The following PCDHGA11 variants were observed in gnomAD, a reference collection of about 807,000 sequenced individuals.
PCDHGA11 encodes the protein protocadherin gamma subfamily A, 11.
PCDHGA11 carries 39 observed loss-of-function variants against 60.4 expected under a neutral mutation model. The ratio of observed to expected loss-of-function variants is 0.65; its 90% CI spans 0.50 to 0.84. The LOEUF (loss-of-function observed/expected upper bound fraction) is 0.84, where lower values mean the gene tolerates loss of function less well. PCDHGA11 is among the 40% of genes least tolerant of loss of function. The pLI is 0.00. For synonymous variants in PCDHGA11, 533 were observed against 510.3 expected, an observed-to-expected ratio of 1.04 and a Z score of -0.60; for missense variants, 1,165 against 1,197.7, an observed-to-expected ratio of 0.97 and a Z score of 0.40.
chr5:141,489,178 C>T lies in PCDHGA11; in HGVS notation c.2434-5629C>T, dbSNP rs909255357. ...GAGACTTCAGCTGCTGCATTCCAAG[C>T]CCTGGGTCTACCTTGGAGACAGGAC... On this transcript the variant is annotated intron_variant, in intron 1 of 3. Transcript: ENST00000398587. This position sits in a 1 kb window ranked among gnomAD's most constrained non-coding sequence, Gnocchi z 4.5. 54 of 1,234,872 alleles carry T rather than the reference C, an allele frequency of 4.4e-5. 1 individual carries two copies. In the East Asian group the frequency reaches 1.2e-3, roughly 29 times the overall value. 76.5% of individuals were successfully genotyped at this position (1,234,872 alleles called of 1,614,324 possible). A position where few individuals can be genotyped will look rare whatever the true frequency, so the allele number is the denominator to read the frequency against.
At chr5:141,470,025 A>T (rs2099219670) in intron 1 of PCDHGA11, among the ~76,000 whole-genome samples, 1 of 152,156 alleles carries the variant, frequency 6.6e-6, no homozygotes, top group African/African-American at 2.4e-5. Context: ...GCTACTCGGG[A>T]TGCTGAGGCG....
chr5:141,465,520 G>C (rs2099104807), intron 1 of PCDHGA11, among the ~76,000 whole-genome samples: 1 of 152,144 alleles, frequency 6.6e-6, no homozygotes, highest in Non-Finnish European at 1.5e-5. Flanking sequence ...GAAGGATTCT[G>C]GGGAAGTTTT....
chr5:141,475,928 G>A, intron 1 of PCDHGA11: 1 of 630,590 alleles, frequency 1.6e-6, no homozygotes, highest in Non-Finnish European at 2.7e-6. Context: ...TGGAGATCGG[G>A]CCCCTGCCCG....
chr5:141,433,220 T>A (rs781745522), intron 1 of PCDHGA11: 2 of 1,509,720 alleles, frequency 1.3e-6, no homozygotes, highest in Non-Finnish European at 1.8e-6. Flanking sequence ...TTTTTTTTTT[T>A]AATTGCTCTG....
At chr5:141,479,535 G>A (rs539785154) in intron 1 of PCDHGA11, 2 of 152,378 alleles carry the variant, frequency 1.3e-5, no homozygotes, top group Non-Finnish European at 2.9e-5. Context: ...AAGTGGAGAA[G>A]GTCAAAACTG....
rs575695102 is a variant in PCDHGA11 at position 141,421,063 on chromosome 5, G to C, written c.-165G>C. 16 of 581,866 alleles carry C rather than the reference G, an allele frequency of 2.7e-5. No individual in the cohort carries two copies. The African/African-American group carries it at 2.9e-4, about 10-fold the overall frequency. 36.0% of individuals were successfully genotyped at this position (581,866 alleles called of 1,614,324 possible). A position where few individuals can be genotyped will look rare whatever the true frequency, so the allele number is the denominator to read the frequency against. ...CTCCCCCGCCTCTACCACACAAAGC[G>C]GAATGAGATGGATACTCACAGATCC... On this transcript the variant is annotated 5_prime_UTR_variant, in exon 1 of 4. Coordinates refer to ENST00000398587, the MANE Select transcript of PCDHGA11 (RefSeq NM_018914.3).
At chr5:141,497,771 C>T (rs2099779314) in intron 2 of PCDHGA11, among the ~76,000 whole-genome samples, 1 of 152,154 alleles carries the variant, frequency 6.6e-6, no homozygotes, top group Non-Finnish European at 1.5e-5. Context: ...ACTCCCCGAC[C>T]TCAACTGATC....
chr5:141,436,591 G>A (rs903125499), intron 1 of PCDHGA11, among the ~76,000 whole-genome samples: 8 of 152,154 alleles, frequency 5.3e-5, no homozygotes, highest in Non-Finnish European at 1.0e-4. Context: ...TTGAAAGGTC[G>A]TGGTGATGGC....
chr5:141,483,133 T>C (rs1263073911), intron 1 of PCDHGA11, among the ~76,000 whole-genome samples: 25 of 152,142 alleles, frequency 1.6e-4, no homozygotes, highest in South Asian at 1.2e-3. Flanking sequence ...GGAGATGAGG[T>C]GAAGCAAGTA....
At chr5:141,506,993 C>T (rs781663602) in intron 3 of PCDHGA11, 18 of 152,184 alleles carry the variant, frequency 1.2e-4, no homozygotes, top group Non-Finnish European at 1.8e-4. Context: ...TTCTCACACT[C>T]GACAGATGAG....
intron 1 of PCDHGA11, chr5:141,479,198 GA>G (rs1288699377): frequency 6.6e-6 from 1 of 152,304 alleles, no homozygotes; most frequent in African/African-American, 2.4e-5. Context: ...AGAAAATACA[GA>G]AAAGTATTTA....
rs1389786201 is a variant in PCDHGA11, at chr5:141,486,949, G to A, written c.2434-7858G>A. 4 of 1,614,224 alleles carry A rather than the reference G, an allele frequency of 2.5e-6. No individual in the cohort carries two copies. Among genetic ancestry groups the A allele is most frequent in the African/African-American group, 2.7e-5 (2 of 75,064 alleles). ...TTGGTGCTGGCCACCTAATCACAAA[G>A]GTGACTGCTGTGGACTTGGATTCAG... On this transcript the variant is annotated intron_variant, in intron 1 of 3. Coordinates refer to ENST00000398587, the MANE Select transcript of PCDHGA11 (RefSeq NM_018914.3). The surrounding 1 kb of genome is among the most constrained non-coding windows in gnomAD (Gnocchi z 5.0).
chr5:141,502,246 T>A (rs1449536622), intron 2 of PCDHGA11, among the ~76,000 whole-genome samples: 1 of 152,206 alleles, frequency 6.6e-6, no homozygotes, highest in African/African-American at 2.4e-5. Flanking sequence ...TTTATCCTTT[T>A]TTTTAATCCA....
intron 1 of PCDHGA11, among the ~76,000 whole-genome samples, chr5:141,453,288 ATTAT>A (rs577328880): frequency 4.0e-5 from 6 of 151,342 alleles, no homozygotes; most frequent in Admixed American, 1.3e-4. Context: ...TAATTTTTTA[ATTAT>A]TTATTTATTT....
rs76825883 is a variant in PCDHGA11, at chr5:141,433,317, C to T, written c.2433+9657C>T. The T allele has an allele frequency of 1.4e-3, 1,163 of 830,944 alleles. 6 individuals are homozygous for T. In the African/African-American group the frequency reaches 0.015, roughly 11 times the overall value. 51.5% of individuals were successfully genotyped at this position (830,944 alleles called of 1,614,324 possible). A position where few individuals can be genotyped will look rare whatever the true frequency, so the allele number is the denominator to read the frequency against. On this transcript the variant is annotated intron_variant, in intron 1 of 3. Transcript: ENST00000398587. ...CAAGCAATTATCCCACCTTTGCCTC[C>T]GGTGTAACAGGGACTACAGGTGCAA... is the stretch of plus-strand genomic sequence containing the variant.
chr5:141,448,851 A>T (rs1374003271), intron 1 of PCDHGA11, among the ~76,000 whole-genome samples: 1 of 152,124 alleles, frequency 6.6e-6, no homozygotes, highest in Admixed American at 6.5e-5. Context: ...AGGCTGAGGC[A>T]GGAGAATGGC....
At chr5:141,492,512 T>A (rs2099741406) in intron 1 of PCDHGA11, among the ~76,000 whole-genome samples, 1 of 152,116 alleles carries the variant, frequency 6.6e-6, no homozygotes, top group Admixed American at 6.5e-5. Flanking sequence ...GAGCCTCCTC[T>A]CACCTCTCCC....
chr5:141,466,669 C>T lies in PCDHGA11; in HGVS notation c.2434-28138C>T, dbSNP rs529252130. The stretch of plus-strand genomic sequence containing the variant: ...TTTCACAAAACATCAGTGATTTCAC[C>T]GTTCTTCCACTCAAGCTTCATCATA... On this transcript the variant is annotated intron_variant, in intron 1 of 3. Transcript: ENST00000398587. Among the ~76,000 whole-genome samples the T allele has an allele frequency of 8.5e-5, 13 of 152,278 alleles. No homozygotes were observed. The East Asian group carries it at 9.6e-4, about 11-fold the overall frequency.
At chr5:141,440,093 GA>G (rs2098151022) in intron 1 of PCDHGA11, 1 of 152,302 alleles carries the variant, frequency 6.6e-6, no homozygotes, top group Non-Finnish European at 1.5e-5. Context: ...TCTAAGTGGG[GA>G]AAGTGGAGAC....
Sources: gnomAD v4.1 joint callset for allele counts (sites outside exome capture counted in the v4.1 genomes callset) on GRCh38, gnomAD v4.1.1 for gene constraint, Gnocchi (gnomAD v3.1) non-coding constraint, MANE v1.5 for transcripts, NCBI Gene and HGNC (gene_info 2026-07-23, HGNC 2026-07-21) for gene names.